Variants in CASR observed in about 807,000 individuals in gnomAD.
CASR encodes the protein extracellular calcium-sensing receptor.
Under a neutral mutation model 69.1 loss-of-function variants are expected in CASR, and 23 were observed. That is an observed-to-expected ratio of 0.33 (90% confidence interval 0.24 to 0.47). The LOEUF is 0.47. Ranked by LOEUF, CASR falls within the 20% of genes least tolerant of loss-of-function variation. The pLI is 1.00. For synonymous variants in CASR, 541 were observed against 544.7 expected (o/e 0.99, Z 0.10); for missense variants, 924 against 1,356.1 (o/e 0.68, Z 5.00).
At chr3:122,209,178 G>A (rs6780699) in intron 1 of CASR, among the ~76,000 whole-genome samples, 137,358 of 152,120 alleles carry the variant, frequency 0.9, 62,450 homozygotes, top group Admixed American at 0.93. Context: ...TGATGCTGAT[G>A]CTGCTGGTCC....
rs2074362592 is a variant in CASR at position 122,239,742 on chromosome 3, G to C, written c.-242-14206G>C. On this transcript the variant is annotated intron_variant, in intron 1 of 6. Transcript: ENST00000639785. ...AGAAAGAAAGGCTGTGTTTGTTTTG[G>C]AGGAAGTAAGGAGGAGAACAAGAGT... Among the ~76,000 whole-genome samples the C allele has an allele frequency of 2.6e-5, 4 of 152,212 alleles. 1 individual carries two copies. The South Asian group carries it at 8.3e-4, about 32-fold the overall frequency.
At chr3:122,282,469 A>C (rs2074903950) in intron 6 of CASR, among the ~76,000 whole-genome samples, 1 of 152,216 alleles carries the variant, frequency 6.6e-6, no homozygotes, top group South Asian at 2.1e-4. Flanking sequence ...TCTTTCTCTT[A>C]CTTCATATTG....
rs2074957026 is a variant in CASR at position 122,285,280 on chromosome 3, G to A, written c.*89G>A. 1 of 1,194,600 alleles carries A rather than the reference G, an allele frequency of 8.4e-7. No individual in the cohort carries two copies. The highest frequency in any genetic ancestry group is 1.2e-6 in the Non-Finnish European group (1 of 805,334). The allele number at this position is 1,194,600 out of a possible 1,614,324, so 74.0% of individuals were successfully genotyped here. A position where few individuals can be genotyped will look rare whatever the true frequency, so the allele number is the denominator to read the frequency against. On this transcript the variant is annotated 3_prime_UTR_variant, in exon 7 of 7. Transcript: ENST00000639785. ...GAATCGCCCCAGACTCCTTTCCTCT[G>A]AGGAAGAAGGGATAATAGACACATC... is the stretch of plus-strand genomic sequence containing the variant.
At chr3:122,244,357 G>T (rs1411499372) in intron 1 of CASR, among the ~76,000 whole-genome samples, 3 of 152,032 alleles carry the variant, frequency 2.0e-5, no homozygotes, top group Non-Finnish European at 2.9e-5. Context: ...GTTCATAGCA[G>T]CACTGTTCAT....
intron 1 of CASR, among the ~76,000 whole-genome samples, chr3:122,239,675 A>T (rs1423091807): frequency 1.3e-5 from 2 of 152,216 alleles, no homozygotes; most frequent in African/African-American, 4.8e-5. Context: ...GGCCACAGGG[A>T]AGCTTGTGTC....
chr3:122,277,672 T>A (rs1326838925), intron 5 of CASR, among the ~76,000 whole-genome samples: 1 of 152,194 alleles, frequency 6.6e-6, no homozygotes. Context: ...CTGACTGGAG[T>A]CTAAATTGAT....
At chr3:122,261,431 C>T in intron 3 of CASR, 97 bp from the exon 4 acceptor site, 2 of 1,012,116 alleles carry the variant, frequency 2.0e-6, no homozygotes, top group East Asian at 2.4e-5. Flanking sequence ...GAGACCAAGG[C>T]ATGCTCAGAA....
At chr3:122,224,173 T>C (rs1385395652) in intron 1 of CASR, among the ~76,000 whole-genome samples, 1 of 152,168 alleles carries the variant, frequency 6.6e-6, no homozygotes, top group Non-Finnish European at 1.5e-5. Context: ...TTCAGCATAA[T>C]ACTGGAAATC....
chr3:122,265,277 T>A (rs978861800), intron 4 of CASR, among the ~76,000 whole-genome samples: 4 of 152,218 alleles, frequency 2.6e-5, no homozygotes, highest in Admixed American at 1.3e-4. Flanking sequence ...TAAGGGTCAA[T>A]CACAATTTTT....
chr3:122,193,839 GTTACT>G (rs1326688109), intron 1 of CASR, among the ~76,000 whole-genome samples: 1 of 152,160 alleles, frequency 6.6e-6, no homozygotes, highest in Non-Finnish European at 1.5e-5. Flanking sequence ...AGTTACTACA[GTTACT>G]TTACTTTTTT....
chr3:122,275,244 T>G (rs2074803280), intron 4 of CASR, among the ~76,000 whole-genome samples: 1 of 152,194 alleles, frequency 6.6e-6, no homozygotes, highest in Non-Finnish European at 1.5e-5. Context: ...TTATAAAAAT[T>G]CAAGGATTTG....
intron 1 of CASR, among the ~76,000 whole-genome samples, chr3:122,252,366 G>GAAAGAAA (rs2074495598): frequency 5.1e-5 from 1 of 19,792 alleles, no homozygotes; most frequent in African/African-American, 1.9e-4. Context: ...AAAGAAAGAA[G>GAAAGAAA]GAAGGAAGGA....
intron 1 of CASR, among the ~76,000 whole-genome samples, chr3:122,194,707 C>T (rs2073872087): frequency 6.6e-6 from 1 of 152,202 alleles, no homozygotes. Context: ...CCTTGGCCCT[C>T]TTGAGGGTTT....
At chr3:122,204,764 C>A (rs1427980176) in intron 1 of CASR, among the ~76,000 whole-genome samples, 1 of 151,958 alleles carries the variant, frequency 6.6e-6, no homozygotes, top group Non-Finnish European at 1.5e-5. Flanking sequence ...TTATAAAAAC[C>A]GATTTAACTG....
chr3:122,229,096 TC>T (rs2074256034), intron 1 of CASR, among the ~76,000 whole-genome samples: 1 of 152,260 alleles, frequency 6.6e-6, no homozygotes, highest in East Asian at 1.9e-4. Context: ...GATGGAAAAC[TC>T]CCTGATTAAA....
chr3:122,196,698 C>G (rs142416115), intron 1 of CASR, among the ~76,000 whole-genome samples: 1,652 of 152,086 alleles, frequency 0.011, 33 homozygotes, highest in African/African-American at 0.038. Context: ...CCCACCATGC[C>G]CAGCAATTGT....
At chr3:122,267,438 T>A (rs1373746807) in intron 4 of CASR, among the ~76,000 whole-genome samples, 1 of 152,126 alleles carries the variant, frequency 6.6e-6, no homozygotes, top group Non-Finnish European at 1.5e-5. Flanking sequence ...AAAAAAAATA[T>A]CATTTGAGAC....
In CASR at chr3:122,285,023, A is replaced by C. The variant is rs1348560550; in HGVS notation, c.3069A>C (p.Leu1023Phe). ...CGCTGCAGTGCGGGGAAACGGACTT[A>C]GATCTGACCGTCCAGGAAACAGGTC... Reference protein sequence around the residue: ...LLPLQCGETDLDLTVQETGLQ... With the variant: ...LLPLQCGETDFDLTVQETGLQ... Residue 1023 changes from leucine (L) to phenylalanine (F), a missense_variant, in exon 7 of 7, where the codon TTA becomes TTC. Leu to Phe is a conservative substitution (Grantham distance 22). Around this residue, in one of 8 missense-constraint regions of CASR, gnomAD observed 201 missense variants for 228.8 expected, o/e 0.88. Transcript: ENST00000639785. The C allele has an allele frequency of 6.2e-7, 1 of 1,614,134 alleles. No homozygotes were observed. The highest frequency in any genetic ancestry group is 1.3e-5 in the African/African-American group (1 of 74,948).
intron 5 of CASR, among the ~76,000 whole-genome samples, chr3:122,281,625 T>C (rs1010996905): frequency 6.6e-6 from 1 of 152,206 alleles, no homozygotes; most frequent in African/African-American, 2.4e-5. Flanking sequence ...CTGTTGGTGA[T>C]CATATGATTT....
Sources: allele counts gnomAD v4.1 joint callset (sites outside exome capture counted in the v4.1 genomes callset), GRCh38; gene constraint gnomAD v4.1.1; regional missense constraint gnomAD v4.1.1; transcripts MANE v1.5; gene names NCBI Gene and HGNC (gene_info 2026-07-23, HGNC 2026-07-21).